The following MTMR8 variants were observed in gnomAD, a reference collection of about 807,000 sequenced individuals.
MTMR8 encodes phosphatidylinositol-3,5-bisphosphate 3-phosphatase MTMR8.
In MTMR8, 65 loss-of-function variants were observed where a neutral mutation model predicts 39.3. The observed-to-expected ratio is 1.65, with a 90% CI of 1.35 to 2.03. The LOEUF (loss-of-function observed/expected upper bound fraction) is 2.03, where lower values mean the gene tolerates loss of function less well. MTMR8 is among the 30% of genes most tolerant of loss of function. The probability of loss-of-function intolerance (pLI) is 0.00; values close to 1 mark genes in which losing one functional copy is unlikely to be tolerated. For missense variants in MTMR8, 777 were observed against 538.9 expected, an observed-to-expected ratio of 1.44 and a Z score of -4.37; for synonymous variants, 245 against 185.2, an observed-to-expected ratio of 1.32 and a Z score of -2.62.
intron 12 of MTMR8, among the ~76,000 whole-genome samples, chrX:64,275,420 G>A (rs912100674): frequency 1.8e-5 from 2 of 109,990 alleles, no homozygotes; most frequent in South Asian, 3.9e-4. Context: ...GTGGGGCCAG[G>A]TGCAGTGGCT....
intron 12 of MTMR8, among the ~76,000 whole-genome samples, chrX:64,324,235 A>T (rs970521186): frequency 9.0e-6 from 1 of 111,242 alleles, no homozygotes; most frequent in Non-Finnish European, 1.9e-5. Context: ...GGTTGCATGT[A>T]CCAGTAGTCC....
chrX:64,376,310 A>C (rs1370301944), intron 1 of MTMR8, among the ~76,000 whole-genome samples: 1 of 112,000 alleles, frequency 8.9e-6, no homozygotes, highest in Non-Finnish European at 1.9e-5. Flanking sequence ...ACAGGAAGAT[A>C]AAAGTTTGGA....
intron 1 of MTMR8, among the ~76,000 whole-genome samples, chrX:64,389,418 A>T (rs1361606772): frequency 8.9e-6 from 1 of 112,213 alleles, no homozygotes; most frequent in Non-Finnish European, 1.9e-5. Context: ...AATGATATCT[A>T]AAAAGACACA....
intron 12 of MTMR8, among the ~76,000 whole-genome samples, chrX:64,287,478 T>C (rs930926556): frequency 5.2e-4 from 58 of 111,008 alleles, no homozygotes; most frequent in African/African-American, 1.8e-3. Context: ...AAAGTTCATA[T>C]GGAACCAAAA....
In MTMR8 at chrX:64,352,217, A is replaced by G. The variant is rs774972470; in HGVS notation, c.469-2147T>C. Reference sequence around the variant, plus strand: ...TGAGCATCCTGGCAGACAACATTTCATAAGTGTTGTCACAATTTCTGCTGG... The same window carrying G: ...TGAGCATCCTGGCAGACAACATTTCGTAAGTGTTGTCACAATTTCTGCTGG... On this transcript the variant is annotated intron_variant, in intron 4 of 13. Transcript: ENST00000374852. 3.6e-3 allele frequency among the ~76,000 whole-genome samples: 406 copies of G among 111,387 alleles called. 4 individuals are homozygous for G. The highest frequency in any genetic ancestry group is 0.013 in the African/African-American group (391 of 30,655).
chrX:64,328,205 C>T (rs1024534185), intron 12 of MTMR8, among the ~76,000 whole-genome samples: 4 of 111,093 alleles, frequency 3.6e-5, no homozygotes, highest in African/African-American at 1.3e-4. Flanking sequence ...GAAGTTCTAG[C>T]CAGAGCAATT....
chrX:64,393,417 A>T (rs1430496193), intron 1 of MTMR8, among the ~76,000 whole-genome samples: 2 of 112,189 alleles, frequency 1.8e-5, no homozygotes, highest in African/African-American at 6.5e-5. Flanking sequence ...CCATAGAGCC[A>T]GCCCAGTTTA....
chrX:64,361,571 A>G (rs1038293709), intron 1 of MTMR8, among the ~76,000 whole-genome samples: 9 of 111,700 alleles, frequency 8.1e-5, no homozygotes, highest in African/African-American at 2.6e-4. Flanking sequence ...GACTAAAAAG[A>G]AAAATCATAT....
intron 12 of MTMR8, among the ~76,000 whole-genome samples, chrX:64,290,574 T>C (rs1018327323): frequency 3.6e-5 from 4 of 110,515 alleles, no homozygotes; most frequent in Admixed American, 9.7e-5. Context: ...CTAGGCAAAC[T>C]CCTGCTCTCC....
intron 1 of MTMR8, among the ~76,000 whole-genome samples, chrX:64,378,323 T>A (rs1357669412): frequency 8.9e-6 from 1 of 111,911 alleles, no homozygotes; most frequent in Non-Finnish European, 1.9e-5. Context: ...TGGACTCCAG[T>A]GATTCTCCCA....
At chrX:64,372,112 T>C (rs1018489900) in intron 1 of MTMR8, among the ~76,000 whole-genome samples, 12 of 108,345 alleles carry the variant, frequency 1.1e-4, no homozygotes, top group Non-Finnish European at 2.3e-4. Context: ...GGGTAATCCT[T>C]AATGTTAAGA....
Position 64,343,821 on chromosome X carries a change from G to T in MTMR8, c.866-101C>A, listed in dbSNP as rs755596217. Reference sequence around the variant, plus strand: ...CCATATCGTAAGTGAGGAAGCTGAGGCAGAAAGGTTAAATGATTAGTTAGA... The same window carrying T: ...CCATATCGTAAGTGAGGAAGCTGAGTCAGAAAGGTTAAATGATTAGTTAGA... On this transcript the variant is annotated intron_variant, in intron 7 of 13. Transcript: ENST00000374852. 7 of 560,328 alleles carry T rather than the reference G, an allele frequency of 1.2e-5. No homozygotes were observed. The East Asian group carries it at 2.5e-4, about 20-fold the overall frequency. The allele number at this position is 560,328 out of a possible 1,213,427, so 46.2% of individuals were successfully genotyped here.
chrX:64,389,564 C>A (rs1040224829), intron 1 of MTMR8, among the ~76,000 whole-genome samples: 10 of 111,422 alleles, frequency 9.0e-5, no homozygotes, highest in Non-Finnish European at 1.5e-4. Context: ...GTCTAAAATG[C>A]CAGACCACTG....
intron 12 of MTMR8, among the ~76,000 whole-genome samples, chrX:64,291,814 A>T (rs1921406995): frequency 9.0e-6 from 1 of 111,593 alleles, no homozygotes; most frequent in Non-Finnish European, 1.9e-5. Flanking sequence ...GGTCTCCCCC[A>T]TGCCTCATGA....
chrX:64,270,865 C>T, intron 13 of MTMR8, 82 bp downstream of exon 13: 1 of 1,076,477 alleles, frequency 9.3e-7, no homozygotes, highest in Non-Finnish European at 1.2e-6. Context: ...GTCAGCTTTC[C>T]ACAAGTATCA....
At chrX:64,283,394 G>C (rs947364825) in intron 12 of MTMR8, among the ~76,000 whole-genome samples, 1 of 112,183 alleles carries the variant, frequency 8.9e-6, no homozygotes, top group African/African-American at 3.2e-5. Flanking sequence ...CTCCACCTCT[G>C]GGGGCAGGGT....
intron 1 of MTMR8, among the ~76,000 whole-genome samples, chrX:64,366,113 T>G (rs1438164024): frequency 9.0e-6 from 1 of 111,422 alleles, no homozygotes; most frequent in East Asian, 2.8e-4. Flanking sequence ...AAGCAAGTAC[T>G]TAGAGAACAA....
At chrX:64,289,588 A>G (rs1388307426) in intron 12 of MTMR8, among the ~76,000 whole-genome samples, 2 of 100,623 alleles carry the variant, frequency 2.0e-5, no homozygotes, top group African/African-American at 7.6e-5. Flanking sequence ...AATATGCTAT[A>G]ACTGTGCCAC....
At chrX:64,294,578 C>G (rs969523407) in intron 12 of MTMR8, among the ~76,000 whole-genome samples, 2 of 111,814 alleles carry the variant, frequency 1.8e-5, no homozygotes, top group African/African-American at 6.5e-5. Context: ...GCTGCTATAA[C>G]AAAATACCAT....
Sources: allele counts gnomAD v4.1 joint callset (sites outside exome capture counted in the v4.1 genomes callset), GRCh38; gene constraint gnomAD v4.1.1; transcripts MANE v1.5; gene names NCBI Gene and HGNC (gene_info 2026-07-23, HGNC 2026-07-21).